RAB27B: variants seen among roughly 807,000 people sequenced by gnomAD.
RAB27B encodes the protein RAB27B, member RAS oncogene family.
Under a neutral mutation model 24.6 loss-of-function variants are expected in RAB27B, and 15 were observed. The ratio of observed to expected loss-of-function variants is 0.61; its 90% CI spans 0.41 to 0.94. RAB27B has a LOEUF of 0.94. Ranked by LOEUF, RAB27B falls within the 40% of genes least tolerant of loss-of-function variation. The probability of loss-of-function intolerance (pLI) is 0.00; values close to 1 mark genes in which losing one functional copy is unlikely to be tolerated. For missense variants in RAB27B, 261 were observed against 266.8 expected (o/e 0.98, Z 0.15); for synonymous variants, 105 against 92.5 (o/e 1.14, Z -0.78).
chr18:54,752,466 A>G (rs1907864639), intron 2 of RAB27B, among the ~76,000 whole-genome samples: 1 of 152,218 alleles, frequency 6.6e-6, no homozygotes, highest in Admixed American at 6.5e-5. Flanking sequence ...AAAGTAAGAA[A>G]ACACCTGCTT....
At chr18:54,769,596 T>G (rs143532395) in intron 2 of RAB27B, among the ~76,000 whole-genome samples, 1 of 152,206 alleles carries the variant, frequency 6.6e-6, no homozygotes, top group Non-Finnish European at 1.5e-5. Context: ...TTATCTGATA[T>G]CTTTTTGTTT....
intron 2 of RAB27B, among the ~76,000 whole-genome samples, chr18:54,771,591 AGTGTGTGTGTGTGTGTGTGTGTGTGTGT>A (rs36228307): frequency 6.9e-6 from 1 of 144,884 alleles, no homozygotes; most frequent in Non-Finnish European, 1.5e-5. Context: ...CTGATAGTTT[AGTGTGTGTGTGTGTGTGTGTGTGTGTGT>A]GTGTGTGTGT....
chr18:54,857,046 C>T (rs1911812044), intron 1 of RAB27B, among the ~76,000 whole-genome samples: 1 of 152,150 alleles, frequency 6.6e-6, no homozygotes, highest in Non-Finnish European at 1.5e-5. Context: ...GATCTACATG[C>T]AAAGGTTTCA....
intron 1 of RAB27B, among the ~76,000 whole-genome samples, chr18:54,866,257 T>A (rs1482575817): frequency 6.8e-6 from 1 of 146,784 alleles, no homozygotes; most frequent in Non-Finnish European, 1.5e-5. Flanking sequence ...CCTGGTGGGA[T>A]CCTTCTCCTC....
At chr18:54,810,395 T>G (rs565550526) in intron 2 of RAB27B, among the ~76,000 whole-genome samples, 1 of 152,306 alleles carries the variant, frequency 6.6e-6, no homozygotes, top group South Asian at 2.1e-4. Context: ...GTTATTGTTA[T>G]TATCATCTAA....
At chr18:54,875,562 A>C (rs1452918029) in intron 1 of RAB27B, among the ~76,000 whole-genome samples, 1 of 149,902 alleles carries the variant, frequency 6.7e-6, no homozygotes, top group African/African-American at 2.5e-5. Context: ...TTTTGAGAAC[A>C]TCCATGGTCA....
rs532256584 is a variant in RAB27B at position 54,891,470 on chromosome 18, G to A, written c.*2057G>A. 10 of 152,194 alleles carry A rather than the reference G, an allele frequency of 6.6e-5. No homozygotes were observed. The South Asian group carries it at 2.1e-3, about 32-fold the overall frequency. 9.4% of individuals were successfully genotyped at this position (152,194 alleles called of 1,614,324 possible). On this transcript the variant is annotated 3_prime_UTR_variant, in exon 6 of 6. Transcript: ENST00000262094. ...TAGAAAACTGTAAGCTAACATTTAA[G>A]ATGTTTCTTCTGGAAGGAAAGTGAG...
intron 2 of RAB27B, among the ~76,000 whole-genome samples, chr18:54,756,941 TCAAC>T (rs1394657094): frequency 1.3e-5 from 2 of 152,164 alleles, no homozygotes; most frequent in African/African-American, 4.8e-5. Context: ...TGGAAACAGA[TCAAC>T]CAAAGCTATT....
chr18:54,738,812 A>T (rs1909980351), intron 2 of RAB27B, among the ~76,000 whole-genome samples: 1 of 152,196 alleles, frequency 6.6e-6, no homozygotes. Context: ...CAATTTTGTT[A>T]TAATATACTT....
At chr18:54,867,515 C>A (rs184260325) in intron 1 of RAB27B, among the ~76,000 whole-genome samples, 1 of 142,574 alleles carries the variant, frequency 7.0e-6, no homozygotes, top group Non-Finnish European at 1.5e-5. Flanking sequence ...GACGCTATCT[C>A]GGCTCACTGC....
At chr18:54,831,492 C>T (rs1410102181) in intron 1 of RAB27B, among the ~76,000 whole-genome samples, 6 of 152,022 alleles carry the variant, frequency 3.9e-5, no homozygotes, top group South Asian at 4.2e-4. Context: ...AGATATAGCC[C>T]GTTGAACATT....
At chr18:54,843,043 G>C (rs565937793) in intron 1 of RAB27B, among the ~76,000 whole-genome samples, 20 of 152,162 alleles carry the variant, frequency 1.3e-4, no homozygotes, top group Non-Finnish European at 2.2e-4. Flanking sequence ...TGATCCACCC[G>C]CCTCAGGCTC....
At chr18:54,779,331 T>G (rs1344273301) in intron 2 of RAB27B, among the ~76,000 whole-genome samples, 3 of 152,202 alleles carry the variant, frequency 2.0e-5, no homozygotes, top group Non-Finnish European at 4.4e-5. Flanking sequence ...TACATTATAT[T>G]GCAGCCTACT....
intron 2 of RAB27B, among the ~76,000 whole-genome samples, chr18:54,752,470 C>A (rs1248208140): frequency 1.3e-5 from 2 of 152,146 alleles, no homozygotes; most frequent in Admixed American, 1.3e-4. Context: ...TAAGAAAACA[C>A]CTGCTTTACC....
At chr18:54,830,896 T>A (rs2145183150) in intron 1 of RAB27B, among the ~76,000 whole-genome samples, 1 of 152,328 alleles carries the variant, frequency 6.6e-6, no homozygotes, top group African/African-American at 2.4e-5. Context: ...ATAAATTTTG[T>A]CTTTTTAACT....
intron 2 of RAB27B, among the ~76,000 whole-genome samples, chr18:54,807,482 A>G (rs926681662): frequency 6.6e-6 from 1 of 152,138 alleles, no homozygotes; most frequent in African/African-American, 2.4e-5. Flanking sequence ...TTGGAGCTTT[A>G]CAGGATTGAA....
chr18:54,816,717 A>G (rs1030231764), intron 2 of RAB27B, among the ~76,000 whole-genome samples: 2 of 152,152 alleles, frequency 1.3e-5, no homozygotes, highest in Non-Finnish European at 2.9e-5. Context: ...GTGTTTTCTG[A>G]TTGCCACAAA....
intron 2 of RAB27B, among the ~76,000 whole-genome samples, chr18:54,751,844 T>C (rs1907841667): frequency 6.6e-6 from 1 of 152,142 alleles, no homozygotes; most frequent in African/African-American, 2.4e-5. Context: ...GACACAGTCA[T>C]TACAGAACAT....
At chr18:54,753,653 T>C (rs936742079) in intron 2 of RAB27B, among the ~76,000 whole-genome samples, 7 of 148,792 alleles carry the variant, frequency 4.7e-5, no homozygotes, top group African/African-American at 9.7e-5. Context: ...TTCACCCAGA[T>C]TTTTCCCTAA....
Sources: allele counts gnomAD v4.1 joint callset (sites outside exome capture counted in the v4.1 genomes callset), GRCh38; gene constraint gnomAD v4.1.1; transcripts MANE v1.5; gene names NCBI Gene and HGNC (gene_info 2026-07-23, HGNC 2026-07-21).